Variants in NHSL1 observed in about 807,000 individuals in gnomAD.
NHSL1 encodes NHS like 1.
Under a neutral mutation model 95.0 loss-of-function variants are expected in NHSL1, and 48 were observed. The ratio of observed to expected loss-of-function variants is 0.51; its 90% CI spans 0.40 to 0.64. NHSL1 has a LOEUF of 0.64. NHSL1 is among the 30% of genes least tolerant of loss of function. NHSL1 has a pLI of 0.00. For synonymous variants in NHSL1, 783 were observed against 833.9 expected (o/e 0.94, Z 1.05); for missense variants, 1,971 against 2,077.7 (o/e 0.95, Z 1.00).
chr6:138,685,033 T>C (rs1785567511), intron 1 of NHSL1, among the ~76,000 whole-genome samples: 1 of 152,232 alleles, frequency 6.6e-6, no homozygotes, highest in South Asian at 2.1e-4. Context: ...ATAAAATGAC[T>C]GCCAGAGGCA....
At chr6:138,634,596 A>G (rs537338752) in intron 1 of NHSL1, among the ~76,000 whole-genome samples, 1 of 152,318 alleles carries the variant, frequency 6.6e-6, no homozygotes, top group Admixed American at 6.5e-5. Context: ...TCCCAATACA[A>G]TAATAGCTGG....
chr6:138,622,250 C>T (rs929523413), intron 1 of NHSL1, among the ~76,000 whole-genome samples: 1 of 152,086 alleles, frequency 6.6e-6, no homozygotes, highest in Non-Finnish European at 1.5e-5. Flanking sequence ...TGCCTGTAAT[C>T]CCAGCACTTT....
intron 1 of NHSL1, among the ~76,000 whole-genome samples, chr6:138,538,055 A>C (rs1782431886): frequency 6.6e-6 from 1 of 152,228 alleles, no homozygotes; most frequent in African/African-American, 2.4e-5. Flanking sequence ...GAGGTATTTC[A>C]AAATGTCGAC....
intron 5 of NHSL1, among the ~76,000 whole-genome samples, chr6:138,437,313 T>C (rs1472722945): frequency 8.3e-6 from 1 of 119,790 alleles, no homozygotes; most frequent in East Asian, 2.2e-4. Flanking sequence ...TATATATATA[T>C]ATATATACAC....
rs540714065 is a variant in NHSL1, at chr6:138,430,399, C to T, written c.3946G>A (p.Gly1316Arg). Residue 1316 changes from glycine to arginine, a missense_variant, in exon 6 of 8, where the codon GGA (glycine) becomes AGA (arginine). Physicochemically the swap from Gly to Arg is moderately radical, Grantham distance 125 (BLOSUM62 -2). Coordinates refer to ENST00000343505, the MANE Select transcript of NHSL1 (RefSeq NM_001144060.2). This position sits in a 1 kb window ranked among gnomAD's most constrained non-coding sequence, Gnocchi z 4.7. ...DGESCLSQQD[G>R]AAGVPETNAA... ...GCCAGGAAGCCAGACTCACCTGCTC[C>T]GTCCTGTTGAGATAGGCAGCTCTCC... 1.9e-5 allele frequency: 28 copies of T among 1,473,406 alleles called. No homozygotes were observed. The African/African-American group carries it at 3.0e-4, about 16-fold the overall frequency. The allele number at this position is 1,473,406 out of a possible 1,614,324, so 91.3% of individuals were successfully genotyped here.
At chr6:138,573,846 A>G (rs986391027), upstream of NHSL1, among the ~76,000 whole-genome samples, 89 of 152,332 alleles carry the variant, frequency 5.8e-4, no homozygotes, top group African/African-American at 2.1e-3. Context: ...TCAGAGATTC[A>G]CACACTTACC....
intron 2 of NHSL1, among the ~76,000 whole-genome samples, chr6:138,491,660 C>T (rs1315315055): frequency 6.6e-6 from 1 of 152,170 alleles, no homozygotes; most frequent in Non-Finnish European, 1.5e-5. Context: ...TGGGATCCAT[C>T]TTCAAAAATT....
At chr6:138,634,102 C>T (rs867281652) in intron 1 of NHSL1, among the ~76,000 whole-genome samples, 1 of 151,866 alleles carries the variant, frequency 6.6e-6, no homozygotes, top group Admixed American at 6.6e-5. Context: ...CTAATCATAT[C>T]GCCAGAGAAA....
chr6:138,561,063 G>T (rs1783391641), intron 1 of NHSL1, among the ~76,000 whole-genome samples: 1 of 152,118 alleles, frequency 6.6e-6, no homozygotes, highest in African/African-American at 2.4e-5. Context: ...GCCCAAGCCT[G>T]ACAATTTACT....
chr6:138,428,056 G>T (rs573334362), intron 7 of NHSL1, among the ~76,000 whole-genome samples: 39 of 152,280 alleles, frequency 2.6e-4, no homozygotes, highest in African/African-American at 7.7e-4. Flanking sequence ...CCTTAAGAAG[G>T]TTGCCAAAAT....
rs556076054 is a variant in NHSL1, at chr6:138,443,783, T to C, written c.533-1669A>G. The stretch of plus-strand genomic sequence containing the variant: ...AGGCGGAGGTTGCAGTGAGCCGAGA[T>C]TGCGCCACTGCATGCCAGCATGGGC... On this transcript the variant is annotated intron_variant, in intron 4 of 7. Transcript: ENST00000343505. 8.5e-5 allele frequency among the ~76,000 whole-genome samples: 13 copies of C among 152,282 alleles called. No individual in the cohort carries two copies. In the South Asian group the frequency reaches 2.3e-3, roughly 27 times the overall value.
intron 2 of NHSL1, among the ~76,000 whole-genome samples, chr6:138,476,464 C>T (rs1779074400): frequency 6.6e-6 from 1 of 152,082 alleles, no homozygotes; most frequent in Non-Finnish European, 1.5e-5. Flanking sequence ...CATGGACACA[C>T]AGATGGAAAT....
intron 3 of NHSL1, among the ~76,000 whole-genome samples, chr6:138,449,617 C>T (rs527571765): frequency 8.6e-5 from 13 of 151,440 alleles, no homozygotes; most frequent in African/African-American, 2.4e-4. Flanking sequence ...GCTGAGGCTG[C>T]GGTGAGCTGA....
chr6:138,500,708 C>T (rs1310157715), upstream of NHSL1, among the ~76,000 whole-genome samples: 1 of 152,048 alleles, frequency 6.6e-6, no homozygotes, highest in Non-Finnish European at 1.5e-5. Context: ...TTTTTATGCC[C>T]TTTATTTTTT....
At chr6:138,536,142 G>A (rs1332894668) in intron 1 of NHSL1, among the ~76,000 whole-genome samples, 2 of 152,262 alleles carry the variant, frequency 1.3e-5, no homozygotes, top group South Asian at 2.1e-4. Flanking sequence ...ATGTGTTAAA[G>A]GAATCTCATT....
At chr6:138,637,462 C>T (rs1304731350) in intron 1 of NHSL1, among the ~76,000 whole-genome samples, 1 of 152,118 alleles carries the variant, frequency 6.6e-6, no homozygotes, top group Non-Finnish European at 1.5e-5. Context: ...AGTGACAACC[C>T]ACAGAATGGG....
intron 1 of NHSL1, among the ~76,000 whole-genome samples, chr6:138,536,956 G>T (rs1257462185): frequency 6.6e-6 from 1 of 152,176 alleles, no homozygotes; most frequent in African/African-American, 2.4e-5. Flanking sequence ...AACGAGAAGA[G>T]AAATAACCCA....
intron 1 of NHSL1, among the ~76,000 whole-genome samples, chr6:138,516,415 C>T (rs1045333730): frequency 3.9e-5 from 6 of 152,112 alleles, no homozygotes; most frequent in African/African-American, 1.4e-4. Context: ...CGTCTGCTTA[C>T]AATGTTGTCT....
At chr6:138,501,432 G>A (rs1299668643), upstream of NHSL1, among the ~76,000 whole-genome samples, 2 of 152,168 alleles carry the variant, frequency 1.3e-5, no homozygotes, top group African/African-American at 2.4e-5. Context: ...AACATAAAAG[G>A]GGGTTTGAGG....
Sources: allele counts gnomAD v4.1 joint callset (sites outside exome capture counted in the v4.1 genomes callset), GRCh38; gene constraint gnomAD v4.1.1; non-coding constraint Gnocchi (gnomAD v3.1); transcripts MANE v1.5; gene names NCBI Gene and HGNC (gene_info 2026-07-23, HGNC 2026-07-21).